SV2C: variants seen among roughly 807,000 people sequenced by gnomAD.
SV2C encodes synaptic vesicle glycoprotein 2C, also known as solute carrier family 22 member B3.
In SV2C, 49 loss-of-function variants were observed where a neutral mutation model predicts 79.7. The ratio of observed to expected loss-of-function variants is 0.61; its 90% CI spans 0.49 to 0.78. SV2C has a LOEUF of 0.78. Ranked by LOEUF, SV2C falls within the 30% of genes least tolerant of loss-of-function variation. The pLI is 0.00. For synonymous variants in SV2C, 334 were observed against 333.2 expected (o/e 1.00, Z -0.03); for missense variants, 833 against 912.9 (o/e 0.91, Z 1.13).
At chr5:76,023,863 G>A in the SV2C span, among the ~76,000 whole-genome samples, 14 of 151,206 alleles carry the variant, frequency 9.3e-5, no homozygotes, top group African/African-American at 2.9e-4. Flanking sequence ...TGATATTTTG[G>A]GCCAGACAAT....
chr5:76,281,029 A>G, intron 4 of SV2C: 1 of 540,918 alleles, frequency 1.8e-6, no homozygotes, highest in Non-Finnish European at 3.8e-6. Flanking sequence ...ATCTTAGCCC[A>G]AGTTCTAAAT....
At chr5:76,194,107 C>T (rs991590903) in intron 2 of SV2C, among the ~76,000 whole-genome samples, 1 of 152,046 alleles carries the variant, frequency 6.6e-6, no homozygotes, top group African/African-American at 2.4e-5. Context: ...GGTGGCTTAC[C>T]CCAGGGCTCA....
At chr5:75,899,532 T>C in the SV2C span, among the ~76,000 whole-genome samples, 1 of 152,050 alleles carries the variant, frequency 6.6e-6, no homozygotes, top group African/African-American at 2.4e-5. Flanking sequence ...CTGAAAAAAA[T>C]GTATATTCTG....
chr5:76,183,053 T>TTTTG (rs1743800284), intron 2 of SV2C, among the ~76,000 whole-genome samples: 1 of 123,276 alleles, frequency 8.1e-6, no homozygotes, highest in Non-Finnish European at 1.8e-5. Context: ...TTTTTTTTTT[T>TTTTG]GAGACAGAGT....
the SV2C span, among the ~76,000 whole-genome samples, chr5:75,959,511 TC>T: frequency 1.3e-5 from 2 of 151,978 alleles, no homozygotes; most frequent in African/African-American, 4.8e-5. Flanking sequence ...ATTGAAGGCT[TC>T]TCAAGTGAAT....
At chr5:76,042,286 C>T in the SV2C span, among the ~76,000 whole-genome samples, 1 of 152,186 alleles carries the variant, frequency 6.6e-6, no homozygotes, top group South Asian at 2.1e-4. Flanking sequence ...CTGGGTCTTC[C>T]ACTTACTAGC....
rs568479560 is a variant in SV2C, at chr5:76,328,755, C to G, written c.*3208C>G. 1.3e-5 allele frequency: 2 copies of G among 151,646 alleles called. No homozygotes were observed. Among genetic ancestry groups the G allele is most frequent in the Non-Finnish European group, 2.9e-5 (2 of 68,054 alleles). 9.4% of individuals were successfully genotyped at this position (151,646 alleles called of 1,614,324 possible). A position where few individuals can be genotyped will look rare whatever the true frequency, so the allele number is the denominator to read the frequency against. ...AAAATAGCTTCATCTTATCTGCCTT[C>G]TTATGCTAAACTCATTTTTTTTTTT... On this transcript the variant is annotated 3_prime_UTR_variant, in exon 13 of 13. Transcript: ENST00000502798.
At chr5:76,029,365 A>G in the SV2C span, among the ~76,000 whole-genome samples, 1 of 152,158 alleles carries the variant, frequency 6.6e-6, no homozygotes, top group African/African-American at 2.4e-5. Flanking sequence ...TTCTTTGACC[A>G]TCTCCCCAAC....
intron 6 of SV2C, among the ~76,000 whole-genome samples, chr5:76,286,140 G>A (rs145200034): frequency 2.0e-5 from 3 of 152,274 alleles, no homozygotes; most frequent in East Asian, 1.9e-4. Flanking sequence ...AGGACTCGAG[G>A]GCTCTGTGGT....
the SV2C span, among the ~76,000 whole-genome samples, chr5:75,958,718 G>A: frequency 2.6e-5 from 4 of 151,872 alleles, no homozygotes; most frequent in Admixed American, 6.6e-5. Flanking sequence ...CATTTTCTCC[G>A]TTTCTTTTTG....
the SV2C span, among the ~76,000 whole-genome samples, chr5:76,051,446 T>A: frequency 3.3e-5 from 5 of 152,172 alleles, no homozygotes; most frequent in African/African-American, 1.2e-4. Flanking sequence ...TTCAAAAATT[T>A]AGCAAAACTT....
At chr5:75,903,833 C>T in the SV2C span, among the ~76,000 whole-genome samples, 1,266 of 152,262 alleles carry the variant, frequency 8.3e-3, 24 homozygotes, top group African/African-American at 0.029. Context: ...CCTCATCACC[C>T]AAATTATTGA....
At chr5:76,135,732 A>G (rs1219321201) in intron 2 of SV2C, among the ~76,000 whole-genome samples, 1 of 152,152 alleles carries the variant, frequency 6.6e-6, no homozygotes, top group East Asian at 1.9e-4. Context: ...CTTTTCCAGG[A>G]CATCAGGCAT....
chr5:76,098,772 C>A (rs1431190671), intron 1 of SV2C, among the ~76,000 whole-genome samples: 1 of 152,182 alleles, frequency 6.6e-6, no homozygotes, highest in Non-Finnish European at 1.5e-5. Context: ...AGGAGAAAAG[C>A]CAGTGATTAA....
the SV2C span, among the ~76,000 whole-genome samples, chr5:75,849,175 G>A: frequency 6.6e-6 from 1 of 152,194 alleles, no homozygotes; most frequent in Non-Finnish European, 1.5e-5. Context: ...TGTTGAGTGA[G>A]TAAGTTGGGG....
the SV2C span, among the ~76,000 whole-genome samples, chr5:76,011,030 C>T: frequency 6.6e-6 from 1 of 152,060 alleles, no homozygotes; most frequent in African/African-American, 2.4e-5. Context: ...AGGTAGGGCC[C>T]CTCTTCCACA....
chr5:76,291,487 C>T lies in SV2C; in HGVS notation c.1248+156C>T, dbSNP rs1747563265. On this transcript the variant is annotated intron_variant, in intron 7 of 12. Transcript: ENST00000502798. Reference sequence around the variant, plus strand: ...TAGAGCCAGGTAATTGGATCCCACTCGACCAGCATTTAGCCAATACATTCC... The same window carrying T: ...TAGAGCCAGGTAATTGGATCCCACTTGACCAGCATTTAGCCAATACATTCC... 2.6e-5 allele frequency among the ~76,000 whole-genome samples: 4 copies of T among 152,148 alleles called. No homozygotes were observed. In the South Asian group the frequency reaches 8.3e-4, roughly 32 times the overall value.
At chr5:75,947,166 G>A in the SV2C span, among the ~76,000 whole-genome samples, 1 of 152,030 alleles carries the variant, frequency 6.6e-6, no homozygotes, top group African/African-American at 2.4e-5. Context: ...AAAGATAAAT[G>A]TCTACTAGAA....
chr5:75,855,461 A>C, the SV2C span, among the ~76,000 whole-genome samples: 3 of 150,636 alleles, frequency 2.0e-5, no homozygotes, highest in African/African-American at 7.3e-5. Context: ...TTTGCAGATA[A>C]TTTTTTTTTT....
Sources: gnomAD v4.1 joint callset for allele counts (sites outside exome capture counted in the v4.1 genomes callset) on GRCh38, gnomAD v4.1.1 for gene constraint, MANE v1.5 for transcripts, NCBI Gene and HGNC (gene_info 2026-07-23, HGNC 2026-07-21) for gene names.